Variants in ATXN2 observed in about 807,000 individuals in gnomAD.
The protein encoded by ATXN2 is ataxin 2, also known as ataxin-2.
ATXN2 carries 37 observed loss-of-function variants against 138.6 expected under a neutral mutation model. The ratio of observed to expected loss-of-function variants is 0.27; its 90% CI spans 0.21 to 0.35. The LOEUF (loss-of-function observed/expected upper bound fraction) is 0.35. ATXN2 is among the 10% of genes least tolerant of loss of function. The pLI is 1.00. For missense variants in ATXN2, 1,216 were observed against 1,480.3 expected, an observed-to-expected ratio of 0.82 and a Z score of 2.93; for synonymous variants, 549 against 543.7, an observed-to-expected ratio of 1.01 and a Z score of -0.13.
At chr12:111,547,899 A>G (rs761110533) in intron 5 of ATXN2, among the ~76,000 whole-genome samples, 7 of 133,022 alleles carry the variant, frequency 5.3e-5, no homozygotes, top group Admixed American at 1.6e-4. Flanking sequence ...TTTAACAACC[A>G]TGGAACTTAC....
chr12:111,540,500 T>C (rs1189514926), intron 5 of ATXN2, among the ~76,000 whole-genome samples: 2 of 150,592 alleles, frequency 1.3e-5, no homozygotes, highest in Admixed American at 6.6e-5. Flanking sequence ...TGATAGACAA[T>C]CATATTCCAC....
Position 111,453,520 on chromosome 12 carries a change from C to G in ATXN2, c.3439+157G>C. On this transcript the variant is annotated intron_variant, in intron 24 of 24. Transcript: ENST00000673436. This position sits in a 1 kb window ranked among gnomAD's most constrained non-coding sequence, Gnocchi z 5.4. ...CTCCCGGAAGCCTCAGGCCCTGATG[C>G]TGAACTGATCGTCACAGTCCCTCCT... 1 of 1,385,678 alleles carries G rather than the reference C, an allele frequency of 7.2e-7. No homozygotes were observed. The highest frequency in any genetic ancestry group is 3.4e-5 in the Admixed American group (1 of 29,662). The allele number at this position is 1,385,678 out of a possible 1,614,324, so 85.8% of individuals were successfully genotyped here. A position where few individuals can be genotyped will look rare whatever the true frequency, so the allele number is the denominator to read the frequency against.
chr12:111,530,300 G>A (rs984399393), intron 5 of ATXN2, among the ~76,000 whole-genome samples: 3 of 152,202 alleles, frequency 2.0e-5, no homozygotes, highest in Non-Finnish European at 4.4e-5. Flanking sequence ...GCTCCTGGGT[G>A]TAAGAGACTA....
chr12:111,465,059 G>C (rs1245854483), intron 20 of ATXN2, among the ~76,000 whole-genome samples: 2 of 151,938 alleles, frequency 1.3e-5, no homozygotes, highest in Non-Finnish European at 2.9e-5. Context: ...TAATTCAATA[G>C]ACACACAATT....
chr12:111,590,264 G>A (rs1566084978), intron 1 of ATXN2, among the ~76,000 whole-genome samples: 1 of 151,970 alleles, frequency 6.6e-6, no homozygotes, highest in Non-Finnish European at 1.5e-5. Flanking sequence ...TTCACACCAC[G>A]TAAGTACAGA....
chr12:111,486,315 A>G (rs1242579799), intron 16 of ATXN2, among the ~76,000 whole-genome samples: 1 of 152,192 alleles, frequency 6.6e-6, no homozygotes, highest in Non-Finnish European at 1.5e-5. Context: ...TATACTTTAC[A>G]TCATCTCTAG....
chr12:111,581,253 C>T, intron 1 of ATXN2: 1 of 346,782 alleles, frequency 2.9e-6, no homozygotes, highest in Non-Finnish European at 5.4e-6. Context: ...TCAATTTCTT[C>T]ACCCGTAAAT....
At chr12:111,559,052 A>C (rs893072875) in intron 1 of ATXN2, among the ~76,000 whole-genome samples, 1 of 152,078 alleles carries the variant, frequency 6.6e-6, no homozygotes, top group African/African-American at 2.4e-5. Flanking sequence ...TTAAGATGGA[A>C]GAATATATTA....
At chr12:111,455,627 G>A (rs1266957155) in intron 23 of ATXN2, 4 of 311,350 alleles carry the variant, frequency 1.3e-5, no homozygotes, top group Non-Finnish European at 2.5e-5. Flanking sequence ...TAGTCACTTC[G>A]GAGAGCTGAG....
chr12:111,514,660 G>A (rs1453659229), intron 10 of ATXN2, among the ~76,000 whole-genome samples: 1 of 152,060 alleles, frequency 6.6e-6, no homozygotes, highest in Admixed American at 6.5e-5. Context: ...AAGTAGCTGG[G>A]TATTTTTAGT....
intron 21 of ATXN2, among the ~76,000 whole-genome samples, chr12:111,461,913 C>G (rs1365106166): frequency 1.4e-5 from 2 of 142,584 alleles, no homozygotes; most frequent in Non-Finnish European, 3.0e-5. Context: ...CAGAGTGAGA[C>G]TCCATCTCAA....
upstream of ATXN2, chr12:111,599,642 G>A (rs1885175893): frequency 9.2e-7 from 1 of 1,085,378 alleles, no homozygotes; most frequent in Admixed American, 5.2e-5. Flanking sequence ...GACACGTGAG[G>A]AGCGGGCGGC....
At chr12:111,520,798 TAACA>T (rs1394894510) in intron 7 of ATXN2, 80 bp downstream of exon 7, 14 of 740,912 alleles carry the variant, frequency 1.9e-5, no homozygotes, top group Non-Finnish European at 2.7e-5. Flanking sequence ...ACTTAAAAAC[TAACA>T]AACATTTATT....
At chr12:111,580,347 G>A (rs1004168537) in intron 1 of ATXN2, among the ~76,000 whole-genome samples, 20 of 151,618 alleles carry the variant, frequency 1.3e-4, no homozygotes, top group Admixed American at 5.3e-4. Context: ...GTAATTAGCC[G>A]GACATGGTGG....
In ATXN2 at chr12:111,597,999, G is replaced by A. The variant is rs971335043; in HGVS notation, c.251+785C>T. 52 of 1,199,846 alleles carry A rather than the reference G, an allele frequency of 4.3e-5. No homozygotes were observed. In the African/African-American group the frequency reaches 7.8e-4, roughly 18 times the overall value. 74.3% of individuals were successfully genotyped at this position (1,199,846 alleles called of 1,614,324 possible). A position where few individuals can be genotyped will look rare whatever the true frequency, so the allele number is the denominator to read the frequency against. On this transcript the variant is annotated intron_variant, in intron 1 of 24. Coordinates refer to ENST00000673436, the MANE Select transcript of ATXN2 (RefSeq NM_001372574.1). ...CACCCGCGCGCCGGAGAGGTCTGGC[G>A]GGGGAAGGAGGAAGGCCGGGACGGG...
rs1258195461 is a variant in ATXN2 at position 111,565,752 on chromosome 12, T to C, written c.252-9833A>G. 2.6e-5 allele frequency among the ~76,000 whole-genome samples: 4 copies of C among 152,236 alleles called. No individual in the cohort carries two copies. The South Asian group carries it at 8.3e-4, about 32-fold the overall frequency. On this transcript the variant is annotated intron_variant, in intron 1 of 24. Transcript: ENST00000673436. ...GGCTCACACCTACAATCCCAGCACT[T>C]TGGGAGGCCAAGGCAGGTGGATCAC...
At chr12:111,570,363 G>C (rs894221114) in intron 1 of ATXN2, among the ~76,000 whole-genome samples, 1 of 152,212 alleles carries the variant, frequency 6.6e-6, no homozygotes, top group African/African-American at 2.4e-5. Context: ...AAAGCTGAGT[G>C]ACAGGTACAT....
chr12:111,463,208 A>G (rs1162053631), intron 21 of ATXN2, among the ~76,000 whole-genome samples: 1 of 152,252 alleles, frequency 6.6e-6, no homozygotes, highest in East Asian at 1.9e-4. Context: ...ATACAAGGTG[A>G]CAATATTAAT....
chr12:111,480,806 T>C (rs1246223975), intron 18 of ATXN2, among the ~76,000 whole-genome samples: 1 of 152,136 alleles, frequency 6.6e-6, no homozygotes, highest in East Asian at 1.9e-4. Flanking sequence ...CAAAAGAGAT[T>C]GTAGACTTAA....
Sources: allele counts gnomAD v4.1 joint callset (sites outside exome capture counted in the v4.1 genomes callset), GRCh38; gene constraint gnomAD v4.1.1; non-coding constraint Gnocchi (gnomAD v3.1); transcripts MANE v1.5; gene names NCBI Gene and HGNC (gene_info 2026-07-23, HGNC 2026-07-21).